The following SEMA3C variants were observed in gnomAD, a reference collection of about 807,000 sequenced individuals.
SEMA3C encodes the protein semaphorin-3C.
SEMA3C carries 47 observed loss-of-function variants against 89.4 expected under a neutral mutation model. The observed-to-expected ratio is 0.53, with a 90% CI of 0.42 to 0.67. The LOEUF is 0.67. Among genes scored for constraint, SEMA3C ranks in the 30% least tolerant of loss-of-function variants. The probability of loss-of-function intolerance (pLI) is 0.00; values close to 1 mark genes in which losing one functional copy is unlikely to be tolerated. For synonymous variants in SEMA3C, 310 were observed against 320.2 expected, an observed-to-expected ratio of 0.97 and a Z score of 0.34; for missense variants, 839 against 929.1, an observed-to-expected ratio of 0.90 and a Z score of 1.26.
chr7:80,792,248 A>G (rs1562877031), intron 11 of SEMA3C, among the ~76,000 whole-genome samples: 1 of 152,334 alleles, frequency 6.6e-6, no homozygotes, highest in East Asian at 1.9e-4. Context: ...ACTTCTGCAA[A>G]ATATAGAATT....
chr7:80,754,957 G>GTTTTTTTTTTGTTTTTTTTGT (rs1449995090), intron 15 of SEMA3C, among the ~76,000 whole-genome samples: 5 of 108,390 alleles, frequency 4.6e-5, no homozygotes, highest in African/African-American at 1.8e-4. Context: ...GTTTTTTTTT[G>GTTTTTTTTTTGTTTTTTTTGT]TTTTTTTTTT....
intron 4 of SEMA3C, among the ~76,000 whole-genome samples, chr7:80,818,987 G>A (rs1274727088): frequency 1.3e-5 from 2 of 151,986 alleles, no homozygotes; most frequent in Non-Finnish European, 2.9e-5. Context: ...AAATTCTCTG[G>A]GCATCCTTAC....
chr7:80,861,791 T>C (rs2115993223), intron 2 of SEMA3C, among the ~76,000 whole-genome samples: 1 of 152,258 alleles, frequency 6.6e-6, no homozygotes, highest in South Asian at 2.1e-4. Context: ...GTTTAACATA[T>C]GCAAGTCAAT....
chr7:80,818,464 T>C (rs777000748), intron 4 of SEMA3C, 46 bp from the exon 5 acceptor site: 25 of 1,589,100 alleles, frequency 1.6e-5, no homozygotes, highest in Admixed American at 1.4e-4. Flanking sequence ...ATGACTTTCA[T>C]TGTTATTTCA....
chr7:80,798,737 T>G (rs1355775727), intron 10 of SEMA3C, among the ~76,000 whole-genome samples: 2 of 152,168 alleles, frequency 1.3e-5, no homozygotes, highest in African/African-American at 4.8e-5. Context: ...TTGTCACGGT[T>G]TAGGTACTTC....
At chr7:80,830,728 T>C (rs1789990229) in intron 2 of SEMA3C, among the ~76,000 whole-genome samples, 1 of 152,152 alleles carries the variant, frequency 6.6e-6, no homozygotes, top group South Asian at 2.1e-4. Context: ...TGGTGCAGCC[T>C]GATAACCTTC....
intron 2 of SEMA3C, among the ~76,000 whole-genome samples, chr7:80,864,405 TAAA>T (rs2116012788): frequency 6.6e-6 from 1 of 152,048 alleles, no homozygotes; most frequent in Non-Finnish European, 1.5e-5. Context: ...ATAAAAAATA[TAAA>T]AAAGTAAAAT....
intron 6 of SEMA3C, among the ~76,000 whole-genome samples, chr7:80,809,399 C>T (rs1789414647): frequency 6.6e-6 from 1 of 152,254 alleles, no homozygotes; most frequent in Admixed American, 6.5e-5. Context: ...GTGCAGACAA[C>T]TCTTTGACAT....
At chr7:80,812,402 G>A (rs937959789) in intron 5 of SEMA3C, among the ~76,000 whole-genome samples, 1 of 152,116 alleles carries the variant, frequency 6.6e-6, no homozygotes, top group Non-Finnish European at 1.5e-5. Flanking sequence ...TAGTGAATCC[G>A]ATTTCCAAAA....
intron 2 of SEMA3C, among the ~76,000 whole-genome samples, chr7:80,895,439 G>A (rs1056532244): frequency 4.6e-5 from 7 of 152,064 alleles, no homozygotes; most frequent in African/African-American, 1.4e-4. Context: ...GCAAGGCAAT[G>A]TTCACTGCAT....
In SEMA3C at chr7:80,815,554, C is replaced by CAAAAAAAAAA. The variant is rs761990267; in HGVS notation, c.447+2735_447+2744dup. ...AAACCCAATCCTTTCTTTAAATGGG[C>CAAAAAAAAAA]AAAAAAAAAAAAAAAAAAAGTAAAT... On this transcript the variant is annotated intron_variant, in intron 5 of 17. Coordinates refer to ENST00000265361, the MANE Select transcript of SEMA3C (RefSeq NM_006379.5). Among the ~76,000 whole-genome samples the CAAAAAAAAAA allele has an allele frequency of 4.3e-3, 254 of 58,790 alleles. 18 individuals carry two copies. Among genetic ancestry groups the CAAAAAAAAAA allele is most frequent in the African/African-American group, 0.015 (233 of 15,522 alleles). 38.6% of individuals were successfully genotyped at this position (58,790 alleles called of 152,430 possible).
chr7:80,905,944 A>G (rs1339748057), intron 2 of SEMA3C: 5 of 1,256,616 alleles, frequency 4.0e-6, no homozygotes, highest in Non-Finnish European at 5.2e-6. Flanking sequence ...AATTGAATGT[A>G]ATTTTGTTTT....
chr7:80,865,609 G>A (rs150484775), intron 2 of SEMA3C, among the ~76,000 whole-genome samples: 5,398 of 152,110 alleles, frequency 0.035, 114 homozygotes, highest in Middle Eastern at 0.058. Flanking sequence ...CCAACATGGC[G>A]AAACCCCGTC....
chr7:80,919,849 C>T (rs1278094396), upstream of SEMA3C, among the ~76,000 whole-genome samples: 1 of 152,132 alleles, frequency 6.6e-6, no homozygotes, highest in Non-Finnish European at 1.5e-5. Context: ...CCGAGAGCCA[C>T]CGCGCCGGGC....
At chr7:80,770,346 G>T (rs1240274183) in intron 12 of SEMA3C, among the ~76,000 whole-genome samples, 1 of 152,278 alleles carries the variant, frequency 6.6e-6, no homozygotes, top group Non-Finnish European at 1.5e-5. Context: ...TTTCCTTCTG[G>T]GGGTGGTGAG....
intron 9 of SEMA3C, among the ~76,000 whole-genome samples, chr7:80,801,240 T>C (rs1789200509): frequency 6.6e-6 from 1 of 152,136 alleles, no homozygotes; most frequent in Non-Finnish European, 1.5e-5. Context: ...AATATATTAC[T>C]GTTTTAATTA....
chr7:80,828,500 G>A (rs1789931877), intron 3 of SEMA3C, 85 bp downstream of exon 3: 1 of 1,079,184 alleles, frequency 9.3e-7, no homozygotes, highest in South Asian at 1.9e-5. Context: ...CTAATAAAAT[G>A]CATATTATTT....
At chr7:80,874,447 G>GTTATTTATTTATTTATTTATTTAT (rs56316322) in intron 2 of SEMA3C, among the ~76,000 whole-genome samples, 9 of 146,518 alleles carry the variant, frequency 6.1e-5, no homozygotes, top group African/African-American at 1.0e-4. Flanking sequence ...ACCATAGCAA[G>GTTATTTATTTATTTATTTATTTAT]TTATTTATTT....
intron 2 of SEMA3C, among the ~76,000 whole-genome samples, chr7:80,912,015 A>G (rs1395824950): frequency 6.6e-6 from 1 of 152,136 alleles, no homozygotes; most frequent in African/African-American, 2.4e-5. Context: ...TCAGAACACT[A>G]AAGCATTCCT....
Sources: gnomAD v4.1 joint callset for allele counts (sites outside exome capture counted in the v4.1 genomes callset) on GRCh38, gnomAD v4.1.1 for gene constraint, MANE v1.5 for transcripts, NCBI Gene and HGNC (gene_info 2026-07-23, HGNC 2026-07-21) for gene names.